Variants in GRID2IP observed in about 807,000 individuals in gnomAD.
GRID2IP encodes the protein delphilin.
Under a neutral mutation model 114.3 loss-of-function variants are expected in GRID2IP, and 78 were observed. That is an observed-to-expected ratio of 0.68 (90% CI 0.57 to 0.82). GRID2IP has a LOEUF of 0.82. GRID2IP is among the 40% of genes least tolerant of loss of function. GRID2IP has a pLI of 0.00. For synonymous variants in GRID2IP, 809 were observed against 724.0 expected (o/e 1.12, Z -1.89); for missense variants, 1,727 against 1,678.5 (o/e 1.03, Z -0.51).
intron 8 of GRID2IP, among the ~76,000 whole-genome samples, chr7:6,512,379 AC>A (rs1421078045): frequency 6.6e-6 from 1 of 150,434 alleles, no homozygotes; most frequent in Non-Finnish European, 1.5e-5. Context: ...GTGCCACCAC[AC>A]CCAGCTAATT....
chr7:6,541,356 T>C lies in GRID2IP; in HGVS notation c.430-1484A>G, dbSNP rs548502634. Among the ~76,000 whole-genome samples, 15 of 152,338 alleles carry C rather than the reference T, an allele frequency of 9.8e-5. 1 individual carries two copies. The South Asian group carries it at 3.1e-3, about 32-fold the overall frequency. ...ACCACACCACACATTCAGTAATTGC[T>C]AGTTACTATTATTATAATACTACAC... On this transcript the variant is annotated intron_variant, in intron 1 of 21. Transcript: ENST00000457091.
At chr7:6,502,262 T>TGAGCAAGGCTCTGTCTCAAAAAATAAA in intron 18 of GRID2IP, 144 bp from the exon 19 acceptor site, 1 of 742,078 alleles carries the variant, frequency 1.3e-6, no homozygotes. Flanking sequence ...TCTTGCTCTG[T>TGAGCAAGGCTCTGTCTCAAAAAATAAA]TGCCCAGGCT....
intron 7 of GRID2IP, among the ~76,000 whole-genome samples, chr7:6,514,951 CAAAA>C (rs537586098): frequency 2.6e-5 from 2 of 76,140 alleles, no homozygotes; most frequent in African/African-American, 4.7e-5. Flanking sequence ...GACTCCAACT[CAAAA>C]AAAAAAAAAA....
intron 8 of GRID2IP, among the ~76,000 whole-genome samples, chr7:6,513,455 A>C (rs1238959690): frequency 2.0e-5 from 3 of 151,738 alleles, no homozygotes; most frequent in Non-Finnish European, 4.4e-5. Flanking sequence ...CCTGAGCTCA[A>C]GTGATGCTTC....
chr7:6,497,336 C>T lies in GRID2IP; in HGVS notation c.*438G>A. On this transcript the variant is annotated 3_prime_UTR_variant, in exon 22 of 22. Transcript: ENST00000457091. The stretch of plus-strand genomic sequence containing the variant: ...GGGCCCCTCTACATCCGGCTTTCTG[C>T]CCTCTCGCGTCTCGCGCCTGCCTGC... 6.4e-6 allele frequency: 1 copy of T among 155,714 alleles called. No homozygotes were observed. Among genetic ancestry groups the T allele is most frequent in the Non-Finnish European group, 1.4e-5 (1 of 70,386 alleles). The allele number at this position is 155,714 out of a possible 1,614,324, so 9.6% of individuals were successfully genotyped here.
In GRID2IP at chr7:6,520,880, T is replaced by A; in HGVS notation, c.1085-119A>T. On this transcript the variant is annotated intron_variant, in intron 6 of 21. Coordinates refer to ENST00000457091, the MANE Select transcript of GRID2IP (RefSeq NM_001145118.2). The surrounding 1 kb of genome is among the most constrained non-coding windows in gnomAD (Gnocchi z 4.6). ...GCTGGGGTGTGGCTGTCCAGTGCCA[T>A]GCATGGGAAGGCATGCCTGTGGCCC... 1 of 964,148 alleles carries A rather than the reference T, an allele frequency of 1.0e-6. No individual in the cohort carries two copies. Among genetic ancestry groups the A allele is most frequent in the East Asian group, 2.7e-5 (1 of 37,664 alleles). 59.7% of individuals were successfully genotyped at this position (964,148 alleles called of 1,614,324 possible).
chr7:6,502,103 T>C lies in GRID2IP; in HGVS notation c.3166A>G (p.Thr1056Ala). 1.9e-6 allele frequency: 3 copies of C among 1,551,380 alleles called. No homozygotes were observed. The highest frequency in any genetic ancestry group is 2.6e-6 in the Non-Finnish European group (3 of 1,146,898). ...NFLTELNSTKTVDGKSTFLHI... is the reference protein window; with the variant it reads ...NFLTELNSTKAVDGKSTFLHI... ...AGGAAGGTGGACTTCCCATCCACTGTCTTGGTGGAGTTCAGCTGCAAGTGA... is the reference window on the plus strand; with the variant it reads ...AGGAAGGTGGACTTCCCATCCACTGCCTTGGTGGAGTTCAGCTGCAAGTGA... Residue 1056 changes from threonine to alanine, a missense_variant, in exon 19 of 22, where the codon ACA (threonine) becomes GCA (alanine). Coordinates refer to ENST00000457091, the MANE Select transcript of GRID2IP (RefSeq NM_001145118.2).
At chr7:6,548,870 T>G (rs1779926302) in intron 1 of GRID2IP, among the ~76,000 whole-genome samples, 1 of 151,124 alleles carries the variant, frequency 6.6e-6, no homozygotes. Flanking sequence ...GTCTATGAGC[T>G]TAAGTGTCCC....
At chr7:6,539,648 G>A in intron 2 of GRID2IP, 70 bp downstream of exon 2, 1 of 1,399,938 alleles carries the variant, frequency 7.1e-7, no homozygotes, top group Non-Finnish European at 9.5e-7. Flanking sequence ...TGCCTGGGGT[G>A]GTTGTGAGGG....
rs190884379 is a variant in GRID2IP, at chr7:6,497,368, G to A, written c.*406C>T. The A allele has an allele frequency of 7.5e-4, 120 of 160,382 alleles. 5 individuals are homozygous for A. The East Asian group carries it at 0.01, about 13-fold the overall frequency. 9.9% of individuals were successfully genotyped at this position (160,382 alleles called of 1,614,324 possible). ...GCGTCTCGCGCCTGCCTGCAGGGTC[G>A]TGCTCAAGGGTGTCGGCCCCCTCAC... On this transcript the variant is annotated 3_prime_UTR_variant, in exon 22 of 22. Transcript: ENST00000457091.
intron 14 of GRID2IP, among the ~76,000 whole-genome samples, chr7:6,505,219 T>A (rs1472477944): frequency 6.6e-6 from 1 of 152,138 alleles, no homozygotes; most frequent in Non-Finnish European, 1.5e-5. Flanking sequence ...GTCTACGGTG[T>A]GACTGAGCAA....
rs1008727057 is a variant in GRID2IP, at chr7:6,536,476, G to A, written c.584+3242C>T. Among the ~76,000 whole-genome samples the A allele has an allele frequency of 5.3e-5, 8 of 152,206 alleles. No individual in the cohort carries two copies. The highest frequency in any genetic ancestry group is 1.9e-4 in the African/African-American group (8 of 41,462). The stretch of plus-strand genomic sequence containing the variant: ...GCGGCTTGGGGACCAGCGGCGGCTG[G>A]GAAAGGCGGGCATGGGGCTGTCCCG... On this transcript the variant is annotated intron_variant, in intron 2 of 21. Coordinates refer to ENST00000457091, the MANE Select transcript of GRID2IP (RefSeq NM_001145118.2). This position sits in a 1 kb window ranked among gnomAD's most constrained non-coding sequence, Gnocchi z 5.3.
Position 6,520,758 on chromosome 7 carries a change from G to C in GRID2IP, c.1088C>G (p.Ser363Cys). Reference protein sequence around the residue: ...EEGLVPFASDSDSLDSPNPSS... With the variant: ...EEGLVPFASDCDSLDSPNPSS... Reference sequence around the variant, plus strand: ...CGGGTTGGGTGAGTCCAGAGAATCGGAGTCTGCTGGGACCACAGGCGGGAG... The same window carrying C: ...CGGGTTGGGTGAGTCCAGAGAATCGCAGTCTGCTGGGACCACAGGCGGGAG... Residue 363 changes from serine to cysteine, a missense_variant, in exon 7 of 22, where the codon TCC becomes TGC. Transcript: ENST00000457091. This position sits in a 1 kb window ranked among gnomAD's most constrained non-coding sequence, Gnocchi z 4.6. The C allele has an allele frequency of 6.5e-7, 1 of 1,549,944 alleles. No homozygotes were observed. Among genetic ancestry groups the C allele is most frequent in the South Asian group, 1.2e-5 (1 of 84,002 alleles).
In GRID2IP at chr7:6,498,241, A is replaced by C. The variant is rs764671053; in HGVS notation, c.3400-13T>G. 1.8e-4 allele frequency: 270 copies of C among 1,528,948 alleles called. 3 individuals are homozygous for C. The Middle Eastern group carries it at 1.9e-3, about 11-fold the overall frequency. The allele number at this position is 1,528,948 out of a possible 1,614,324, so 94.7% of individuals were successfully genotyped here. On this transcript the variant is annotated splice_polypyrimidine_tract_variant and intron_variant, in intron 20 of 21. Transcript: ENST00000457091. ...TCTCCAGGAAGGACTGACAGGCCTC[A>C]GTTAAGGAAACAGCCAGCCCGCTTG...
Position 6,536,916 on chromosome 7 carries a change from C to T in GRID2IP, c.584+2802G>A. On this transcript the variant is annotated intron_variant, in intron 2 of 21. Transcript: ENST00000457091. The surrounding 1 kb of genome is among the most constrained non-coding windows in gnomAD (Gnocchi z 5.3). The stretch of plus-strand genomic sequence containing the variant: ...AGAGCTGCGCCGGGGCTGGGGTGGG[C>T]GGGGGGGCGGCGGGGAGGGTGGCCA... The T allele has an allele frequency of 3.7e-5, 1 of 27,120 alleles. No individual in the cohort carries two copies. Among genetic ancestry groups the T allele is most frequent in the South Asian group, 3.4e-4 (1 of 2,912 alleles). The allele number at this position is 27,120 out of a possible 1,614,324, so 1.7% of individuals were successfully genotyped here.
chr7:6,546,569 C>CA (rs775701238), intron 1 of GRID2IP, among the ~76,000 whole-genome samples: 46,988 of 122,020 alleles, frequency 0.39, 9,512 homozygotes, highest in Non-Finnish European at 0.5. Context: ...AACTCTGTCT[C>CA]AAAAAAAAAA....
At position 6,510,393 on chromosome 7, in the gene GRID2IP, G is replaced by A. The variant is rs1786740403; in HGVS notation, c.1661C>T (p.Ala554Val). 2 of 1,529,566 alleles carry A rather than the reference G, an allele frequency of 1.3e-6. No homozygotes were observed. Among genetic ancestry groups the A allele is most frequent in the Admixed American group, 2.1e-5 (1 of 46,932 alleles). The allele number at this position is 1,529,566 out of a possible 1,614,324, so 94.7% of individuals were successfully genotyped here. The change falls in exon 11 of 22, where the codon GCC becomes GTC. Residue 554 changes from alanine to valine, a missense_variant. By Grantham distance (64) the Ala-to-Val change is moderately conservative. Coordinates refer to ENST00000457091, the MANE Select transcript of GRID2IP (RefSeq NM_001145118.2). Reference protein sequence around the residue: ...PETPNPKMMSAVYAELESRLN... With the variant: ...PETPNPKMMSVVYAELESRLN... Reference sequence around the variant, plus strand: ...TCGAGACTCAAGCTCTGCATAGACGGCTGACATCTGGAGGGAGACGGGGGA... The same window carrying A: ...TCGAGACTCAAGCTCTGCATAGACGACTGACATCTGGAGGGAGACGGGGGA...
intron 15 of GRID2IP, 59 bp from the exon 16 acceptor site, chr7:6,503,746 A>C (rs1786488230): frequency 7.6e-7 from 1 of 1,318,082 alleles, no homozygotes; most frequent in Non-Finnish European, 1.0e-6. Context: ...GATGGGACCC[A>C]AGACGGAGAG....
Position 6,501,802 on chromosome 7 carries a change from G to C in GRID2IP, c.3378C>G (p.Asp1126Glu). The change falls in exon 20 of 22, where the codon GAC becomes GAG. Residue 1126 changes from aspartate (D) to glutamate (E), a missense_variant. Physicochemically the swap from Asp to Glu is conservative, Grantham distance 45. Transcript: ENST00000457091. ...ACQSISPSSE[D>E]KFAMVMSSFL... ...ATGCCGACATGACCATTGCAAACTT[G>C]TCCTCGCTAGAGGGGGAAATGCTCT... The C allele has an allele frequency of 1.9e-6, 3 of 1,551,126 alleles. No homozygotes were observed. The highest frequency in any genetic ancestry group is 2.4e-5 in the South Asian group (2 of 84,062).
Sources: gnomAD v4.1 joint callset for allele counts (sites outside exome capture counted in the v4.1 genomes callset) on GRCh38, gnomAD v4.1.1 for gene constraint, Gnocchi (gnomAD v3.1) non-coding constraint, MANE v1.5 for transcripts, NCBI Gene and HGNC (gene_info 2026-07-23, HGNC 2026-07-21) for gene names.